TRIM69: variants seen among roughly 807,000 people sequenced by gnomAD.
TRIM69 encodes the protein tripartite motif containing 69.
A neutral mutation model predicts 37.7 loss-of-function variants in TRIM69; 29 were observed. That is an observed-to-expected ratio of 0.77 (90% CI 0.57 to 1.05). The LOEUF is 1.05. TRIM69 is among the 50% of genes least tolerant of loss of function. TRIM69 has a pLI of 0.00. For missense variants in TRIM69, 596 were observed against 579.9 expected, an observed-to-expected ratio of 1.03 and a Z score of -0.28; for synonymous variants, 209 against 212.4, an observed-to-expected ratio of 0.98 and a Z score of 0.14.
At chr15:44,759,309 A>G (rs916296389) in intron 4 of TRIM69, among the ~76,000 whole-genome samples, 1 of 152,202 alleles carries the variant, frequency 6.6e-6, no homozygotes, top group African/African-American at 2.4e-5. Context: ...TAGCTAGAGT[A>G]AGGAAAAGTG....
intron 6 of TRIM69, among the ~76,000 whole-genome samples, chr15:44,766,087 A>G (rs1249436985): frequency 5.9e-5 from 9 of 152,224 alleles, no homozygotes; most frequent in African/African-American, 2.2e-4. Context: ...GGGCCAATCA[A>G]AAAAATCTCA....
In TRIM69 at chr15:44,745,227, T is replaced by TTTG. The variant is rs369843492; in HGVS notation, c.6+8532_6+8534dup. Among the ~76,000 whole-genome samples, 22 of 152,184 alleles carry TTTG rather than the reference T, an allele frequency of 1.4e-4. No homozygotes were observed. In the South Asian group the frequency reaches 2.1e-3, roughly 14 times the overall value. ...GCCCATTTACAAAGACTGGGAGGTT[T>TTTG]TTGTTGTTGTTGTTGTTTGATTTGG... is the stretch of plus-strand genomic sequence containing the variant. On this transcript the variant is annotated intron_variant, in intron 1 of 6. Coordinates refer to ENST00000329464, the MANE Select transcript of TRIM69 (RefSeq NM_182985.5).
At chr15:44,742,452 T>A (rs889610233) in intron 1 of TRIM69, among the ~76,000 whole-genome samples, 4 of 145,460 alleles carry the variant, frequency 2.7e-5, no homozygotes, top group Non-Finnish European at 6.0e-5. Flanking sequence ...AACATAGTGT[T>A]GAAAGTTCTG....
intron 1 of TRIM69, among the ~76,000 whole-genome samples, chr15:44,741,948 T>C (rs1343844682): frequency 6.6e-6 from 1 of 152,124 alleles, no homozygotes; most frequent in East Asian, 1.9e-4. Context: ...AAAGAGGGAA[T>C]CCTCCCTAAC....
At position 44,755,292 on chromosome 15, in the gene TRIM69, C is replaced by T. The variant is rs1370589314; in HGVS notation, c.399C>T (p.Ile133=). The T allele has an allele frequency of 6.2e-7, 1 of 1,614,166 alleles. No homozygotes were observed. The highest frequency in any genetic ancestry group is 8.5e-7 in the Non-Finnish European group (1 of 1,180,032). Residue 133 remains isoleucine, a synonymous_variant, in exon 2 of 7, where the codon ATC becomes ATT. Coordinates refer to ENST00000329464, the MANE Select transcript of TRIM69 (RefSeq NM_182985.5). ...TCAGTAAACCAGATGGGAAACTGATCTGCTTTCAATGCAAGGATGCTCGGT... is the reference window on the plus strand; with the variant it reads ...TCAGTAAACCAGATGGGAAACTGATTTGCTTTCAATGCAAGGATGCTCGGT... The part of the protein sequence containing the change: ...KLFSKPDGKL[I]CFQCKDARLS...
rs1555395505 is a variant in TRIM69 at position 44,767,762 on chromosome 15, A to G, written c.1493A>G (p.His498Arg). Residue 498 changes from histidine (H) to arginine (R), a missense_variant, in exon 7 of 7, where the codon CAT (histidine) becomes CGT (arginine). His to Arg is a conservative substitution (Grantham distance 29). Coordinates refer to ENST00000329464, the MANE Select transcript of TRIM69 (RefSeq NM_182985.5). ...AATAAAGAACCATTGCACATCTTAC[A>G]TCCACAGTAATGAGTCATAATATTA... The part of the protein sequence containing the change: ...GENKEPLHIL[H>R]PQ 6.2e-7 allele frequency: 1 copy of G among 1,610,660 alleles called. No individual in the cohort carries two copies. Among genetic ancestry groups the G allele is most frequent in the Non-Finnish European group, 8.5e-7 (1 of 1,179,242 alleles).
intron 1 of TRIM69, among the ~76,000 whole-genome samples, chr15:44,741,392 T>C (rs2087282482): frequency 6.6e-6 from 1 of 151,516 alleles, no homozygotes; most frequent in Non-Finnish European, 1.5e-5. Context: ...CACCCTAACA[T>C]CACAATTAAA....
rs775587500 is a variant in TRIM69, at chr15:44,754,942, G to A, written c.49G>A (p.Val17Ile). ...CTCCAACATCGATCCAGGCGACTATGTTGAAATGAATGATTCAATCACCCA... is the reference window on the plus strand; with the variant it reads ...CTCCAACATCGATCCAGGCGACTATATTGAAATGAATGATTCAATCACCCA... Reference protein sequence around the residue: ...PSSNIDPGDYVEMNDSITHLP... With the variant: ...PSSNIDPGDYIEMNDSITHLP... The change falls in exon 2 of 7, where the codon GTT becomes ATT. Residue 17 changes from valine (V) to isoleucine (I), a missense_variant. Val to Ile is a conservative substitution (Grantham distance 29, BLOSUM62 3). Coordinates refer to ENST00000329464, the MANE Select transcript of TRIM69 (RefSeq NM_182985.5). 5.6e-6 allele frequency: 9 copies of A among 1,614,114 alleles called. No homozygotes were observed. The highest frequency in any genetic ancestry group is 1.1e-5 in the South Asian group (1 of 91,070).
At chr15:44,760,946 C>A (rs1344362913) in intron 6 of TRIM69, among the ~76,000 whole-genome samples, 2 of 148,896 alleles carry the variant, frequency 1.3e-5, no homozygotes, top group African/African-American at 5.0e-5. Flanking sequence ...GAGATGGAGT[C>A]TCGCTCTGTT....
chr15:44,750,950 C>CTTTT (rs71111890), intron 1 of TRIM69, among the ~76,000 whole-genome samples: 19 of 33,564 alleles, frequency 5.7e-4, no homozygotes, highest in African/African-American at 1.8e-3. Flanking sequence ...TTTCTTTTGC[C>CTTTT]TTTTTTTTTT....
At position 44,755,221 on chromosome 15, in the gene TRIM69, A is replaced by G; in HGVS notation, c.328A>G (p.Lys110Glu). The G allele has an allele frequency of 3.7e-6, 6 of 1,614,194 alleles. No homozygotes were observed. Among genetic ancestry groups the G allele is most frequent in the Non-Finnish European group, 5.1e-6 (6 of 1,180,028 alleles). ...GAAGATTAAGAAGTTACCCTTACTC[A>G]AGGGCCATCCACAGTGCCCAGAGCA... Reference protein sequence around the residue: ...VEKIKKLPLLKGHPQCPEHGE... With the variant: ...VEKIKKLPLLEGHPQCPEHGE... The change falls in exon 2 of 7, where the codon AAG (lysine) becomes GAG (glutamate). Residue 110 changes from lysine (K) to glutamate (E), a missense_variant. Physicochemically the swap from Lys to Glu is moderately conservative, Grantham distance 56. Coordinates refer to ENST00000329464, the MANE Select transcript of TRIM69 (RefSeq NM_182985.5).
At chr15:44,756,928 T>C (rs1008658689) in intron 3 of TRIM69, 1 of 152,900 alleles carries the variant, frequency 6.5e-6, no homozygotes, top group Non-Finnish European at 1.5e-5. Context: ...TCCTCCAAGC[T>C]AAATAAAGCT....
chr15:44,754,959 A>T lies in TRIM69; in HGVS notation c.66A>T (p.Ser22=). ...DPGDYVEMND[S]ITHLPSKVVI... ...GCGACTATGTTGAAATGAATGATTC[A>T]ATCACCCACCTACCCTCTAAAGTGG... The change falls in exon 2 of 7, where the codon TCA becomes TCT. Residue 22 remains serine (S), a synonymous_variant. Coordinates refer to ENST00000329464, the MANE Select transcript of TRIM69 (RefSeq NM_182985.5). The T allele has an allele frequency of 6.2e-7, 1 of 1,614,176 alleles. No individual in the cohort carries two copies. The highest frequency in any genetic ancestry group is 1.1e-5 in the South Asian group (1 of 91,082).
intron 1 of TRIM69, chr15:44,754,209 C>T (rs933915885): frequency 1.3e-5 from 2 of 151,606 alleles, no homozygotes; most frequent in African/African-American, 2.4e-5. Context: ...TTACTGCAAC[C>T]TCTGCCTCCT....
Position 44,759,770 on chromosome 15 carries a change from C to G in TRIM69, c.859C>G (p.Leu287Val), listed in dbSNP as rs761506234. 7.4e-6 allele frequency: 12 copies of G among 1,614,074 alleles called. No homozygotes were observed. The highest frequency in any genetic ancestry group is 1.0e-5 in the Non-Finnish European group (12 of 1,180,046). Residue 287 changes from leucine (L) to valine (V), a missense_variant, in exon 6 of 7, where the codon CTG becomes GTG. By Grantham distance (32) the Leu-to-Val change is conservative. Coordinates refer to ENST00000329464, the MANE Select transcript of TRIM69 (RefSeq NM_182985.5). Reference sequence around the variant, plus strand: ...CAGCTTGGAGCAAGGAATGAAGGTGCTGGCAACCAGAGAGCTTATTTCCAG... The same window carrying G: ...CAGCTTGGAGCAAGGAATGAAGGTGGTGGCAACCAGAGAGCTTATTTCCAG... ...LHSLEQGMKVLATRELISRKL... is the reference protein window; with the variant it reads ...LHSLEQGMKVVATRELISRKL...
At chr15:44,739,071 T>C (rs1026260193) in intron 1 of TRIM69, among the ~76,000 whole-genome samples, 1 of 152,232 alleles carries the variant, frequency 6.6e-6, no homozygotes, top group Non-Finnish European at 1.5e-5. Context: ...TACAATTCAG[T>C]GATTTATAGC....
intron 1 of TRIM69, among the ~76,000 whole-genome samples, chr15:44,748,533 T>C (rs1391178789): frequency 6.6e-6 from 1 of 152,066 alleles, no homozygotes; most frequent in Non-Finnish European, 1.5e-5. Context: ...GTATAAAAAT[T>C]CTGGCTCTGG....
intron 6 of TRIM69, among the ~76,000 whole-genome samples, chr15:44,762,711 T>C (rs1187196767): frequency 6.6e-6 from 1 of 152,160 alleles, no homozygotes; most frequent in Admixed American, 6.5e-5. Context: ...GGTCTTTTTA[T>C]ATCTTTCTTA....
rs1254355486 is a variant in TRIM69 at position 44,767,633 on chromosome 15, C to T, written c.1364C>T (p.Ser455Phe). Residue 455 changes from serine (S) to phenylalanine (F), a missense_variant, in exon 7 of 7, where the codon TCC (serine) becomes TTC (phenylalanine). Physicochemically the swap from Ser to Phe is radical, Grantham distance 155 (BLOSUM62 -2). Coordinates refer to ENST00000329464, the MANE Select transcript of TRIM69 (RefSeq NM_182985.5). The stretch of plus-strand genomic sequence containing the variant: ...CTGGATTATGAAGGAGGACAGTTGT[C>T]CTTCTACAATGCTAAAACCATGACT... ...IYLDYEGGQL[S>F]FYNAKTMTHI... The T allele has an allele frequency of 2.5e-6, 4 of 1,614,156 alleles. No homozygotes were observed. Among genetic ancestry groups the T allele is most frequent in the African/African-American group, 1.3e-5 (1 of 75,018 alleles).
Sources: allele counts gnomAD v4.1 joint callset (sites outside exome capture counted in the v4.1 genomes callset), GRCh38; gene constraint gnomAD v4.1.1; transcripts MANE v1.5; gene names NCBI Gene and HGNC (gene_info 2026-07-23, HGNC 2026-07-21).